The following UBXN2A variants were observed in gnomAD, a reference collection of about 807,000 sequenced individuals.
The protein encoded by UBXN2A is UBX domain-containing protein 2A.
In UBXN2A, 28 loss-of-function variants were observed where a neutral mutation model predicts 28.4. That is an observed-to-expected ratio of 0.99 (90% CI 0.73 to 1.35). The LOEUF is 1.35. UBXN2A is among the 40% of genes most tolerant of loss of function. The pLI is 0.00. For missense variants in UBXN2A, 253 were observed against 297.9 expected (o/e 0.85, Z 1.11); for synonymous variants, 97 against 103.6 (o/e 0.94, Z 0.39).
intron 1 of UBXN2A, among the ~76,000 whole-genome samples, chr2:23,946,360 C>T (rs948604756): frequency 6.6e-6 from 1 of 150,746 alleles, no homozygotes; most frequent in Non-Finnish European, 1.5e-5. Context: ...CTCACTCTGT[C>T]ACCAGGCTGG....
intron 6 of UBXN2A, among the ~76,000 whole-genome samples, chr2:23,998,472 C>T (rs1708623663): frequency 6.6e-6 from 1 of 152,168 alleles, no homozygotes; most frequent in Non-Finnish European, 1.5e-5. Flanking sequence ...GTAATCCCAG[C>T]ACTTTGAGAG....
rs541548323 is a variant in UBXN2A, at chr2:23,983,018, G to A, written c.410G>A (p.Gly137Asp). The A allele has an allele frequency of 6.2e-7, 1 of 1,602,076 alleles. No individual in the cohort carries two copies. The highest frequency in any genetic ancestry group is 1.7e-5 in the Admixed American group (1 of 58,126). The change falls in exon 5 of 7, where the codon GGT (glycine) becomes GAT (aspartate). Residue 137 changes from glycine to aspartate, a missense_variant. Transcript: ENST00000309033. ...GTGTTCCAGCCCTTTTCAGGACAGGGTCACAGACTAGGAAGGTAAATATGC... is the reference window on the plus strand; with the variant it reads ...GTGTTCCAGCCCTTTTCAGGACAGGATCACAGACTAGGAAGGTAAATATGC... ...KPVFQPFSGQ[G>D]HRLGSATPKI...
chr2:23,950,209 A>G (rs961260587), intron 1 of UBXN2A, among the ~76,000 whole-genome samples: 6 of 152,094 alleles, frequency 3.9e-5, no homozygotes, highest in Non-Finnish European at 8.8e-5. Flanking sequence ...GGAGGAGACT[A>G]TTACTAAGGG....
intron 1 of UBXN2A, among the ~76,000 whole-genome samples, chr2:23,932,084 C>T (rs1321618987): frequency 6.6e-6 from 1 of 151,928 alleles, no homozygotes; most frequent in African/African-American, 2.4e-5. Flanking sequence ...CTTTGGGAGG[C>T]TGAGGCAGGC....
chr2:23,930,013 C>T (rs995867329), intron 1 of UBXN2A, among the ~76,000 whole-genome samples: 1 of 152,146 alleles, frequency 6.6e-6, no homozygotes, highest in African/African-American at 2.4e-5. Context: ...CTCAGCCTCC[C>T]AAGTAGCTAG....
At chr2:23,983,816 C>T (rs908820395) in intron 5 of UBXN2A, among the ~76,000 whole-genome samples, 2 of 152,056 alleles carry the variant, frequency 1.3e-5, no homozygotes, top group Admixed American at 1.3e-4. Flanking sequence ...GCTGGGATTA[C>T]AGGCATACAC....
chr2:23,954,288 CT>C (rs1302890363), intron 1 of UBXN2A, among the ~76,000 whole-genome samples: 1 of 152,144 alleles, frequency 6.6e-6, no homozygotes, highest in Non-Finnish European at 1.5e-5. Flanking sequence ...TTGTATCTGA[CT>C]TTTTTATTCA....
chr2:23,991,406 T>TACACACACACACACACACAC (rs371442810), intron 6 of UBXN2A, among the ~76,000 whole-genome samples: 13 of 148,420 alleles, frequency 8.8e-5, no homozygotes, highest in African/African-American at 1.5e-4. Flanking sequence ...TTTTATTTTA[T>TACACACACACACACACACAC]ACACACACAC....
At chr2:23,936,304 T>C (rs1193517339), upstream of UBXN2A, among the ~76,000 whole-genome samples, 2 of 152,024 alleles carry the variant, frequency 1.3e-5, no homozygotes, top group African/African-American at 2.4e-5. Context: ...TGCTATAACA[T>C]GAATGAACTT....
rs1168817984 is a variant in UBXN2A, at chr2:23,967,474, ATACT to A, written c.42-3797_42-3794del. On this transcript the variant is annotated intron_variant, in intron 2 of 6. Transcript: ENST00000309033. ...GTACTGTGTGCCAGTATGTATACTGATACTTACTATATACCATGTTTAGGCTTTT... is the reference window on the plus strand; with the variant it reads ...GTACTGTGTGCCAGTATGTATACTGATACTATATACCATGTTTAGGCTTTT... Among the ~76,000 whole-genome samples, 4 of 152,204 alleles carry A rather than the reference ATACT, an allele frequency of 2.6e-5. No homozygotes were observed. The East Asian group carries it at 7.7e-4, about 29-fold the overall frequency.
At chr2:23,946,083 G>A (rs182190689) in intron 1 of UBXN2A, among the ~76,000 whole-genome samples, 2 of 151,992 alleles carry the variant, frequency 1.3e-5, no homozygotes, top group African/African-American at 4.8e-5. Flanking sequence ...TTGCCCCCTT[G>A]GGCCTCCCAA....
intron 4 of UBXN2A, among the ~76,000 whole-genome samples, chr2:23,978,768 C>A (rs542700998): frequency 6.6e-6 from 1 of 152,096 alleles, no homozygotes; most frequent in Admixed American, 6.6e-5. Flanking sequence ...TCAAGACCAG[C>A]CTGGCCAACA....
intron 1 of UBXN2A, among the ~76,000 whole-genome samples, chr2:23,945,709 T>C (rs1706034948): frequency 1.3e-5 from 2 of 152,314 alleles, no homozygotes; most frequent in East Asian, 3.9e-4. Flanking sequence ...TTTGTTTGTT[T>C]TTGCATTTTT....
At chr2:23,961,845 CT>C (rs1302137161) in intron 2 of UBXN2A, among the ~76,000 whole-genome samples, 20 of 139,232 alleles carry the variant, frequency 1.4e-4, no homozygotes, top group Admixed American at 1.5e-4. Flanking sequence ...CGCACCCGGC[CT>C]TTTTTTTTTA....
At chr2:23,972,288 A>G (rs531658533) in intron 3 of UBXN2A, among the ~76,000 whole-genome samples, 2 of 152,248 alleles carry the variant, frequency 1.3e-5, no homozygotes, top group African/African-American at 4.8e-5. Flanking sequence ...TCAAAATCCA[A>G]CATGTTTTCA....
chr2:23,929,974 C>T lies in UBXN2A; in HGVS notation c.-138+2359C>T, dbSNP rs866602086. Among the ~76,000 whole-genome samples, 5 of 152,046 alleles carry T rather than the reference C, an allele frequency of 3.3e-5. No individual in the cohort carries two copies. The East Asian group carries it at 9.7e-4, about 29-fold the overall frequency. Reference sequence around the variant, plus strand: ...TACTATCTGGGCTCACTGCAACCTCCGCCTCCCAGGTTCAAGCGACTCTCC... The same window carrying T: ...TACTATCTGGGCTCACTGCAACCTCTGCCTCCCAGGTTCAAGCGACTCTCC... On this transcript the variant is annotated intron_variant, in intron 1 of 7. Transcript: ENST00000404924.
intron 1 of UBXN2A, among the ~76,000 whole-genome samples, chr2:23,942,066 C>T (rs969240138): frequency 2.0e-5 from 3 of 151,966 alleles, no homozygotes; most frequent in South Asian, 2.1e-4. Flanking sequence ...GGTGACAGAG[C>T]GGGACTCCAT....
chr2:23,978,992 A>G (rs1707788138), intron 4 of UBXN2A, among the ~76,000 whole-genome samples: 1 of 151,716 alleles, frequency 6.6e-6, no homozygotes, highest in African/African-American at 2.4e-5. Flanking sequence ...TGTTTACTAT[A>G]TATTTATGAA....
At chr2:23,938,439 C>G (rs1170643779), upstream of UBXN2A, among the ~76,000 whole-genome samples, 1 of 151,884 alleles carries the variant, frequency 6.6e-6, no homozygotes, top group Non-Finnish European at 1.5e-5. Flanking sequence ...GCACTCCAGC[C>G]TGGGCAACAA....
Sources: allele counts gnomAD v4.1 joint callset (sites outside exome capture counted in the v4.1 genomes callset), GRCh38; gene constraint gnomAD v4.1.1; transcripts MANE v1.5; gene names NCBI Gene and HGNC (gene_info 2026-07-23, HGNC 2026-07-21).